MECOM: variants seen among roughly 807,000 people sequenced by gnomAD.
The protein encoded by MECOM is MDS1 and EVI1 complex locus, also known as histone-lysine N-methyltransferase MECOM.
A neutral mutation model predicts 116.3 loss-of-function variants in MECOM; 13 were observed. The ratio of observed to expected loss-of-function variants is 0.11; its 90% CI spans 0.07 to 0.18. The LOEUF is 0.18. Among genes scored for constraint, MECOM ranks in the 10% least tolerant of loss-of-function variants. The pLI, the probability that MECOM is intolerant of heterozygous loss-of-function variation, is 1.00. For missense variants in MECOM, 1,299 were observed against 1,509.0 expected, an observed-to-expected ratio of 0.86 and a Z score of 2.31; for synonymous variants, 528 against 535.2, an observed-to-expected ratio of 0.99 and a Z score of 0.19.
Position 169,576,028 on chromosome 3 carries a change from T to A in MECOM, c.37+87308A>T, listed in dbSNP as rs138210024. On this transcript the variant is annotated intron_variant, in intron 1 of 16. Transcript: ENST00000651503. ...TTCTATTAATCTAGGAATTCAACTT[T>A]CCACATTAGATTTCTACAGTGATGC... Among the ~76,000 whole-genome samples the A allele has an allele frequency of 3.2e-3, 487 of 152,344 alleles. 3 individuals carry two copies. Among genetic ancestry groups the A allele is most frequent in the African/African-American group, 0.011 (440 of 41,576 alleles).
chr3:169,292,970 G>C (rs533607840), intron 2 of MECOM, among the ~76,000 whole-genome samples: 1 of 152,140 alleles, frequency 6.6e-6, no homozygotes, highest in African/African-American at 2.4e-5. Flanking sequence ...ACCTAAAAAA[G>C]GACCCAATGT....
At chr3:169,347,264 ATG>A (rs1199897587) in intron 2 of MECOM, among the ~76,000 whole-genome samples, 1 of 152,086 alleles carries the variant, frequency 6.6e-6, no homozygotes, top group Non-Finnish European at 1.5e-5. Context: ...GGAGACAGGT[ATG>A]TTTAGTTAAT....
At chr3:169,142,063 C>T (rs1738268106) in intron 3 of MECOM, among the ~76,000 whole-genome samples, 1 of 151,862 alleles carries the variant, frequency 6.6e-6, no homozygotes, top group African/African-American at 2.4e-5. Context: ...TTATAAATGC[C>T]TACTCTAATG....
chr3:169,539,914 G>C (rs1759867574), intron 1 of MECOM, among the ~76,000 whole-genome samples: 1 of 152,100 alleles, frequency 6.6e-6, no homozygotes, highest in African/African-American at 2.4e-5. Context: ...GAAAAATGAA[G>C]AGCTACAAGA....
At chr3:169,227,655 T>C (rs1166072079) in intron 2 of MECOM, among the ~76,000 whole-genome samples, 1 of 152,216 alleles carries the variant, frequency 6.6e-6, no homozygotes, top group Non-Finnish European at 1.5e-5. Flanking sequence ...CACAAACTTT[T>C]GCCCAAGAAA....
At chr3:169,352,928 T>C (rs753974645) in intron 2 of MECOM, among the ~76,000 whole-genome samples, 1 of 151,940 alleles carries the variant, frequency 6.6e-6, no homozygotes, top group African/African-American at 2.4e-5. Context: ...CTCTCTTTGG[T>C]GGCCCATTTG....
At chr3:169,196,573 T>C (rs1178962185) in intron 2 of MECOM, among the ~76,000 whole-genome samples, 1 of 152,030 alleles carries the variant, frequency 6.6e-6, no homozygotes, top group African/African-American at 2.4e-5. Context: ...AATTCAGTGG[T>C]AATAAGGGCA....
At chr3:169,508,516 T>TCA (rs34557610) in intron 1 of MECOM, among the ~76,000 whole-genome samples, 7,268 of 150,910 alleles carry the variant, frequency 0.048, 400 homozygotes, top group East Asian at 0.31. Flanking sequence ...ACATACACAC[T>TCA]CACACACACA....
intron 1 of MECOM, among the ~76,000 whole-genome samples, chr3:169,594,154 C>T (rs373541963): frequency 4.4e-5 from 2 of 45,728 alleles, no homozygotes; most frequent in Non-Finnish European, 8.1e-5. Flanking sequence ...ACCACCACCA[C>T]AAAAAAAAAA....
chr3:169,303,902 CAAT>C (rs1717221000), intron 2 of MECOM, among the ~76,000 whole-genome samples: 1 of 152,188 alleles, frequency 6.6e-6, no homozygotes, highest in South Asian at 2.1e-4. Flanking sequence ...AGCTTCTAAA[CAAT>C]GAGATCAGAC....
intron 1 of MECOM, among the ~76,000 whole-genome samples, chr3:169,442,522 A>G (rs1578114572): frequency 6.6e-6 from 1 of 152,232 alleles, no homozygotes; most frequent in East Asian, 1.9e-4. Context: ...TATCCCAATT[A>G]GGTGGGTATA....
intron 1 of MECOM, among the ~76,000 whole-genome samples, chr3:169,553,854 G>A (rs927096977): frequency 2.6e-5 from 4 of 152,092 alleles, no homozygotes; most frequent in South Asian, 4.1e-4. Context: ...CAGTCAGATC[G>A]GATTAAGGTC....
In MECOM at chr3:169,460,750, C is replaced by T. The variant is rs114613318; in HGVS notation, c.38-79226G>A. Among the ~76,000 whole-genome samples, 1,023 of 152,266 alleles carry T rather than the reference C, an allele frequency of 6.7e-3. 10 individuals carry two copies. The highest frequency in any genetic ancestry group is 0.024 in the African/African-American group (983 of 41,566). ...CCAACAAGGCCCCCATTAGCCCTGT[C>T]CATTACAGGTTCCATAGACTCAGGT... On this transcript the variant is annotated intron_variant, in intron 1 of 16. Transcript: ENST00000651503.
chr3:169,407,906 T>C (rs1736950149), intron 1 of MECOM, among the ~76,000 whole-genome samples: 2 of 152,218 alleles, frequency 1.3e-5, no homozygotes. Context: ...GACATTGACA[T>C]GCAAAATCCA....
intron 2 of MECOM, among the ~76,000 whole-genome samples, chr3:169,257,026 G>T (rs1461135952): frequency 6.6e-6 from 1 of 152,158 alleles, no homozygotes; most frequent in Admixed American, 6.5e-5. Context: ...CAAAGATGAT[G>T]GATGTAAGAA....
intron 1 of MECOM, among the ~76,000 whole-genome samples, chr3:169,476,050 G>T (rs965037031): frequency 2.0e-5 from 3 of 152,136 alleles, no homozygotes; most frequent in Non-Finnish European, 4.4e-5. Context: ...GAAGTTGTCT[G>T]CATTTGAGAA....
At chr3:169,627,868 G>A (rs934371679) in intron 1 of MECOM, among the ~76,000 whole-genome samples, 2 of 152,208 alleles carry the variant, frequency 1.3e-5, no homozygotes, top group South Asian at 2.1e-4. Flanking sequence ...TTAATTTACA[G>A]TTCTGTGAGC....
At chr3:169,117,560 C>T (rs1729575095) in intron 7 of MECOM, among the ~76,000 whole-genome samples, 1 of 152,040 alleles carries the variant, frequency 6.6e-6, no homozygotes, top group Admixed American at 6.6e-5. Context: ...GAAACATGTC[C>T]ACTTGTTGTC....
At chr3:169,268,785 T>A (rs558645993) in intron 2 of MECOM, among the ~76,000 whole-genome samples, 1 of 152,314 alleles carries the variant, frequency 6.6e-6, no homozygotes, top group East Asian at 1.9e-4. Context: ...CAGCTGTATT[T>A]CCTATCGCAC....
Sources: allele counts gnomAD v4.1 joint callset (sites outside exome capture counted in the v4.1 genomes callset), GRCh38; gene constraint gnomAD v4.1.1; transcripts MANE v1.5; gene names NCBI Gene and HGNC (gene_info 2026-07-23, HGNC 2026-07-21).